STK3: variants seen among roughly 807,000 people sequenced by gnomAD.
STK3 encodes the protein serine/threonine-protein kinase 3.
STK3 carries 41 observed loss-of-function variants against 58.0 expected under a neutral mutation model. The ratio of observed to expected loss-of-function variants is 0.71; its 90% CI spans 0.55 to 0.92. The LOEUF (loss-of-function observed/expected upper bound fraction) is 0.92, where lower values mean the gene tolerates loss of function less well. Ranked by LOEUF, STK3 falls within the 40% of genes least tolerant of loss-of-function variation. STK3 has a pLI of 0.00. For synonymous variants in STK3, 170 were observed against 191.0 expected, an observed-to-expected ratio of 0.89 and a Z score of 0.91; for missense variants, 479 against 602.7, an observed-to-expected ratio of 0.79 and a Z score of 2.15.
downstream of STK3, among the ~76,000 whole-genome samples, chr8:98,450,819 A>G (rs4236853): frequency 0.31 from 47,663 of 152,104 alleles, 8,817 homozygotes; most frequent in Admixed American, 0.49. Flanking sequence ...AAAGTCATCC[A>G]ACAACAGTCC....
chr8:98,725,080 G>C (rs1186123367), intron 4 of STK3, among the ~76,000 whole-genome samples: 2 of 152,144 alleles, frequency 1.3e-5, no homozygotes, highest in African/African-American at 2.4e-5. Context: ...TTTGAGTGTA[G>C]CAATAAAACA....
chr8:98,568,060 A>T (rs1812635465), intron 8 of STK3, among the ~76,000 whole-genome samples: 1 of 137,870 alleles, frequency 7.3e-6, no homozygotes, highest in Non-Finnish European at 1.6e-5. Flanking sequence ...TGTCTTAGAT[A>T]GATGATAGAT....
intron 10 of STK3, among the ~76,000 whole-genome samples, chr8:98,471,364 T>C (rs865888075): frequency 6.6e-6 from 1 of 151,066 alleles, no homozygotes; most frequent in African/African-American, 2.4e-5. Flanking sequence ...TTTCTTTTTT[T>C]TTTTTTTTTA....
intron 1 of STK3, among the ~76,000 whole-genome samples, chr8:98,803,865 T>C (rs997290116): frequency 6.6e-6 from 1 of 152,194 alleles, no homozygotes; most frequent in African/African-American, 2.4e-5. Context: ...AAAATTAAGT[T>C]GTAGCCCTTG....
intron 7 of STK3, among the ~76,000 whole-genome samples, chr8:98,589,081 G>A (rs1425174010): frequency 4.6e-5 from 7 of 152,018 alleles, no homozygotes; most frequent in African/African-American, 9.7e-5. Context: ...ATCGTCTGAA[G>A]CCTTCTTCTC....
chr8:98,415,730 G>A (rs1258097255), intron 3 of STK3, among the ~76,000 whole-genome samples: 2 of 152,180 alleles, frequency 1.3e-5, no homozygotes, highest in Non-Finnish European at 2.9e-5. Flanking sequence ...ATTTTCTCTA[G>A]ACTCAATAAA....
At chr8:98,752,762 A>C (rs1563964031) in intron 3 of STK3, among the ~76,000 whole-genome samples, 1 of 152,064 alleles carries the variant, frequency 6.6e-6, no homozygotes, top group East Asian at 1.9e-4. Context: ...CAAGAAAAAA[A>C]AAACAAACAA....
intron 4 of STK3, among the ~76,000 whole-genome samples, chr8:98,721,947 C>T (rs1281560491): frequency 2.0e-5 from 3 of 151,970 alleles, no homozygotes; most frequent in Admixed American, 6.6e-5. Context: ...AATCTCTAAC[C>T]TAACCTCATG....
chr8:98,826,215 T>C (rs1835296890), upstream of STK3, among the ~76,000 whole-genome samples: 1 of 152,222 alleles, frequency 6.6e-6, no homozygotes, highest in African/African-American at 2.4e-5. Flanking sequence ...CGACACATCC[T>C]AACATCGTGT....
At chr8:98,493,264 A>G (rs1228586800) in intron 10 of STK3, among the ~76,000 whole-genome samples, 1 of 151,266 alleles carries the variant, frequency 6.6e-6, no homozygotes, top group East Asian at 1.9e-4. Context: ...CAAGCGTTTC[A>G]TATCTAAAAG....
chr8:98,676,614 T>TAAA (rs773621636), intron 6 of STK3, among the ~76,000 whole-genome samples: 1 of 137,434 alleles, frequency 7.3e-6, no homozygotes, highest in Non-Finnish European at 1.6e-5. Context: ...ACTCTATCTT[T>TAAA]AAAAAAAAAA....
intron 1 of STK3, among the ~76,000 whole-genome samples, chr8:98,900,445 T>C (rs944155233): frequency 2.0e-5 from 3 of 152,038 alleles, no homozygotes; most frequent in East Asian, 1.9e-4. Flanking sequence ...AAGCACAAAA[T>C]GTAGAATTAT....
chr8:98,365,514 C>A, the STK3 span, among the ~76,000 whole-genome samples: 15 of 152,240 alleles, frequency 9.9e-5, no homozygotes, highest in East Asian at 2.5e-3. Flanking sequence ...CTGAAAGAAG[C>A]CATGTGCCTG....
intron 10 of STK3, among the ~76,000 whole-genome samples, chr8:98,469,218 T>A (rs770794480): frequency 3.5e-5 from 5 of 142,946 alleles, no homozygotes; most frequent in Non-Finnish European, 7.6e-5. Flanking sequence ...TAGATGATTA[T>A]AATACACGAA....
chr8:98,936,734 G>GA (rs1840212679), intron 1 of STK3, among the ~76,000 whole-genome samples: 1 of 152,196 alleles, frequency 6.6e-6, no homozygotes, highest in South Asian at 2.1e-4. Flanking sequence ...TGGCCTGGGA[G>GA]ACAACTTGCA....
intron 3 of STK3, among the ~76,000 whole-genome samples, chr8:98,860,113 G>A (rs1355551028): frequency 1.3e-5 from 2 of 152,164 alleles, no homozygotes; most frequent in Non-Finnish European, 2.9e-5. Flanking sequence ...ACTACTATGT[G>A]CGAGCCACTT....
downstream of STK3, among the ~76,000 whole-genome samples, chr8:98,449,640 G>A (rs149999696): frequency 2.0e-3 from 307 of 152,264 alleles, 2 homozygotes; most frequent in Non-Finnish European, 3.0e-3. Flanking sequence ...TCTTAAAGAG[G>A]AGGGGGAAAG....
chr8:98,938,374 T>C (rs545074399), intron 1 of STK3, among the ~76,000 whole-genome samples: 6 of 152,310 alleles, frequency 3.9e-5, no homozygotes, highest in African/African-American at 1.4e-4. Context: ...TAAGGGAAGT[T>C]GACTTGGCAT....
chr8:98,651,132 C>A (rs994958627), intron 6 of STK3, among the ~76,000 whole-genome samples: 1 of 152,202 alleles, frequency 6.6e-6, no homozygotes, highest in African/African-American at 2.4e-5. Context: ...CCGGGTACTC[C>A]TCTGAGACAA....
Sources: allele counts gnomAD v4.1 joint callset (sites outside exome capture counted in the v4.1 genomes callset), GRCh38; gene constraint gnomAD v4.1.1; transcripts MANE v1.5; gene names NCBI Gene and HGNC (gene_info 2026-07-23, HGNC 2026-07-21).